Variants in GBE1 observed in about 807,000 individuals in gnomAD.
GBE1 encodes 1,4-alpha-glucan-branching enzyme.
GBE1 carries 70 observed loss-of-function variants against 88.8 expected under a neutral mutation model. That is an observed-to-expected ratio of 0.79 (90% CI 0.65 to 0.96). The LOEUF (loss-of-function observed/expected upper bound fraction) is 0.96. GBE1 is among the 40% of genes least tolerant of loss of function. The probability of loss-of-function intolerance (pLI) is 0.00; values close to 1 mark genes in which losing one functional copy is unlikely to be tolerated. For synonymous variants in GBE1, 284 were observed against 300.1 expected, an observed-to-expected ratio of 0.95 and a Z score of 0.56; for missense variants, 872 against 871.0, an observed-to-expected ratio of 1.00 and a Z score of -0.01.
At chr3:81,601,848 A>G (rs935748599) in intron 7 of GBE1, among the ~76,000 whole-genome samples, 2 of 152,146 alleles carry the variant, frequency 1.3e-5, no homozygotes, top group Non-Finnish European at 2.9e-5. Context: ...TTATTTACCT[A>G]TTTGTACATT....
At chr3:81,710,917 G>A (rs1705856456) in intron 1 of GBE1, among the ~76,000 whole-genome samples, 1 of 152,108 alleles carries the variant, frequency 6.6e-6, no homozygotes, top group African/African-American at 2.4e-5. Flanking sequence ...ACTCCAAATT[G>A]ATTTGAATAT....
At chr3:81,727,860 C>G (rs1706134386) in intron 1 of GBE1, among the ~76,000 whole-genome samples, 1 of 152,110 alleles carries the variant, frequency 6.6e-6, no homozygotes. Flanking sequence ...TCCTGATGGC[C>G]TCCAAAGTAA....
At chr3:81,751,960 C>G (rs1405434756) in intron 1 of GBE1, among the ~76,000 whole-genome samples, 1 of 152,082 alleles carries the variant, frequency 6.6e-6, no homozygotes, top group East Asian at 1.9e-4. Flanking sequence ...ATTCTTTTTG[C>G]TGGGTATTTG....
chr3:81,517,836 G>T (rs1702818563), intron 14 of GBE1, among the ~76,000 whole-genome samples: 1 of 151,072 alleles, frequency 6.6e-6, no homozygotes, highest in African/African-American at 2.4e-5. Flanking sequence ...TCACCACTAG[G>T]TAGCTACATA....
At chr3:81,568,947 T>C (rs917026527) in intron 12 of GBE1, among the ~76,000 whole-genome samples, 8 of 152,054 alleles carry the variant, frequency 5.3e-5, no homozygotes, top group African/African-American at 1.2e-4. Context: ...GGAGAAACTA[T>C]TGACTATTAA....
chr3:81,676,097 C>T (rs1426637091), intron 2 of GBE1, among the ~76,000 whole-genome samples: 2 of 151,984 alleles, frequency 1.3e-5, no homozygotes, highest in Admixed American at 6.6e-5. Context: ...GTATATAATA[C>T]ATATAATGTA....
chr3:81,740,475 T>A (rs1424711636), intron 1 of GBE1, among the ~76,000 whole-genome samples: 1 of 152,034 alleles, frequency 6.6e-6, no homozygotes, highest in Non-Finnish European at 1.5e-5. Flanking sequence ...ATGAATTACA[T>A]GGTCTCATGT....
At chr3:81,540,256 G>T (rs143741758) in intron 12 of GBE1, among the ~76,000 whole-genome samples, 5 of 152,108 alleles carry the variant, frequency 3.3e-5, no homozygotes, top group Admixed American at 6.6e-5. Context: ...AAGGAAGGCT[G>T]TTAAAAATGT....
At chr3:81,665,102 C>T (rs1187895856) in intron 3 of GBE1, among the ~76,000 whole-genome samples, 1 of 152,172 alleles carries the variant, frequency 6.6e-6, no homozygotes, top group Non-Finnish European at 1.5e-5. Context: ...CATATATTCA[C>T]ATATATTATA....
rs1462456849 is a variant in GBE1 at position 81,761,428 on chromosome 3, T to C, written c.90A>G (p.Arg30=). ...AALADVPELA[R]LLEIDPYLKP... is the part of the protein sequence containing the mutation. ...TCAAGTACGGGTCGATCTCCAGGAG[T>C]CTGGCCAGTTCGGGCACGTCAGCCA... Residue 30 remains arginine (R), a synonymous_variant, in exon 1 of 16, where the codon AGA becomes AGG. Transcript: ENST00000429644. 1 of 1,613,420 alleles carries C rather than the reference T, an allele frequency of 6.2e-7. No individual in the cohort carries two copies. Among genetic ancestry groups the C allele is most frequent in the East Asian group, 2.2e-5 (1 of 44,852 alleles).
chr3:81,575,182 T>G lies in GBE1; in HGVS notation c.1618+2743A>C, dbSNP rs556330959. 2.7e-3 allele frequency among the ~76,000 whole-genome samples: 401 copies of G among 147,566 alleles called. 2 individuals carry two copies. The highest frequency in any genetic ancestry group is 3.5e-3 in the Non-Finnish European group (237 of 66,804). On this transcript the variant is annotated intron_variant, in intron 12 of 15. Coordinates refer to ENST00000429644, the MANE Select transcript of GBE1 (RefSeq NM_000158.4). ...TCCATCTCAAAAAAAAAAAAAAAAG[T>G]AGAGAATGCTATGTCGATGTTACTG...
At chr3:81,649,536 T>C (rs144186229) in intron 4 of GBE1, among the ~76,000 whole-genome samples, 13 of 152,086 alleles carry the variant, frequency 8.5e-5, no homozygotes, top group Non-Finnish European at 1.8e-4. Context: ...GTATCCCTTA[T>C]AGATTAGTAT....
At position 81,552,009 on chromosome 3, in the gene GBE1, CT is replaced by C. The variant is rs1703278779; in HGVS notation, c.1619-14915del. On this transcript the variant is annotated intron_variant, in intron 12 of 15. Coordinates refer to ENST00000429644, the MANE Select transcript of GBE1 (RefSeq NM_000158.4). ...TACCCCTGCTCTCCCAGTCCTCCCC[CT>C]GATAAATTATGTGTAACATCTTGAA... Among the ~76,000 whole-genome samples, 5 of 152,202 alleles carry C rather than the reference CT, an allele frequency of 3.3e-5. No individual in the cohort carries two copies. In the South Asian group the frequency reaches 6.2e-4, roughly 19 times the overall value.
intron 3 of GBE1, among the ~76,000 whole-genome samples, chr3:81,666,711 T>C (rs1356548220): frequency 7.9e-5 from 12 of 152,178 alleles, no homozygotes. Context: ...AAGAGGGAGA[T>C]ATAACTTCAC....
At chr3:81,621,734 T>C (rs1704336449) in intron 7 of GBE1, among the ~76,000 whole-genome samples, 2 of 152,218 alleles carry the variant, frequency 1.3e-5, no homozygotes, top group Non-Finnish European at 2.9e-5. Flanking sequence ...ATTTGATCCC[T>C]AAGGAATCCT....
intron 10 of GBE1, among the ~76,000 whole-genome samples, chr3:81,582,035 C>T (rs1703737898): frequency 6.6e-6 from 1 of 151,964 alleles, no homozygotes. Flanking sequence ...TGTTTCTTCC[C>T]GCCACTCCCG....
At chr3:81,570,466 A>T (rs1005388607) in intron 12 of GBE1, among the ~76,000 whole-genome samples, 1 of 152,216 alleles carries the variant, frequency 6.6e-6, no homozygotes, top group African/African-American at 2.4e-5. Context: ...CTTAAGAGGG[A>T]GAAGATGAAG....
intron 1 of GBE1, among the ~76,000 whole-genome samples, chr3:81,727,202 T>G (rs1364977728): frequency 6.6e-6 from 1 of 152,200 alleles, no homozygotes; most frequent in African/African-American, 2.4e-5. Flanking sequence ...CATAATTCCT[T>G]TAATCCTGCA....
At chr3:81,587,451 G>A (rs1046655586) in intron 9 of GBE1, among the ~76,000 whole-genome samples, 2 of 151,938 alleles carry the variant, frequency 1.3e-5, no homozygotes, top group Admixed American at 6.6e-5. Context: ...TATACTAACT[G>A]CTGCCAAATT....
Sources: gnomAD v4.1 joint callset for allele counts (sites outside exome capture counted in the v4.1 genomes callset) on GRCh38, gnomAD v4.1.1 for gene constraint, MANE v1.5 for transcripts, NCBI Gene and HGNC (gene_info 2026-07-23, HGNC 2026-07-21) for gene names.